The following COLGALT1 variants were observed in gnomAD, a reference collection of about 807,000 sequenced individuals.
COLGALT1 encodes procollagen galactosyltransferase 1.
Under a neutral mutation model 60.8 loss-of-function variants are expected in COLGALT1, and 43 were observed. The ratio of observed to expected loss-of-function variants is 0.71; its 90% CI spans 0.55 to 0.91. The LOEUF is 0.91. Among genes scored for constraint, COLGALT1 ranks in the 40% least tolerant of loss-of-function variants. The pLI, the probability that COLGALT1 is intolerant of heterozygous loss-of-function variation, is 0.00. For synonymous variants in COLGALT1, 369 were observed against 374.2 expected, an observed-to-expected ratio of 0.99 and a Z score of 0.16; for missense variants, 845 against 880.0, an observed-to-expected ratio of 0.96 and a Z score of 0.50.
intron 11 of COLGALT1, 82 bp downstream of exon 11, chr19:17,580,987 C>T (rs1871313452): frequency 6.5e-7 from 1 of 1,527,638 alleles, no homozygotes; most frequent in Non-Finnish European, 9.0e-7. Context: ...CTCACGGCCT[C>T]CGAGAAGATG....
rs1393740545 is a variant in COLGALT1, at chr19:17,582,889, T to G, written c.*1445T>G. 1 of 152,536 alleles carries G rather than the reference T, an allele frequency of 6.6e-6. No homozygotes were observed. Among genetic ancestry groups the G allele is most frequent in the South Asian group, 2.1e-4 (1 of 4,832 alleles). 9.4% of individuals were successfully genotyped at this position (152,536 alleles called of 1,614,324 possible). A position where few individuals can be genotyped will look rare whatever the true frequency, so the allele number is the denominator to read the frequency against. ...CACTCCCGGTCCCCTGTGCTTTACCTCCTTGCCCTTGTGTCTCAGGTGTGG... is the reference window on the plus strand; with the variant it reads ...CACTCCCGGTCCCCTGTGCTTTACCGCCTTGCCCTTGTGTCTCAGGTGTGG... On this transcript the variant is annotated 3_prime_UTR_variant, in exon 12 of 12. Transcript: ENST00000252599.
In COLGALT1 at chr19:17,568,545, C is replaced by T. The variant is rs1012437941; in HGVS notation, c.661C>T (p.Arg221Cys). 6.6e-5 allele frequency: 107 copies of T among 1,614,094 alleles called. No homozygotes were observed. The highest frequency in any genetic ancestry group is 8.6e-5 in the Non-Finnish European group (101 of 1,180,036). ...YKRTPAYIPIRKRDRRGCFAV... is the reference protein window; with the variant it reads ...YKRTPAYIPICKRDRRGCFAV... ...GCGCACACCTGCCTACATCCCTATCCGCAAGCGAGACCGCCGGGGCTGCTT... is the reference window on the plus strand; with the variant it reads ...GCGCACACCTGCCTACATCCCTATCTGCAAGCGAGACCGCCGGGGCTGCTT... The change falls in exon 5 of 12, where the codon CGC becomes TGC. Residue 221 changes from arginine to cysteine, a missense_variant. Arg to Cys is a radical substitution (Grantham distance 180). Transcript: ENST00000252599.
intron 3 of COLGALT1, 126 bp downstream of exon 3, chr19:17,560,591 GA>G: frequency 4.1e-6 from 3 of 735,466 alleles, no homozygotes; most frequent in East Asian, 2.6e-5. Flanking sequence ...GAGGCTTAGA[GA>G]GGGGAGATGA....
chr19:17,582,899 T>G lies in COLGALT1; in HGVS notation c.*1455T>G, dbSNP rs1407244871. Reference sequence around the variant, plus strand: ...CCCCTGTGCTTTACCTCCTTGCCCTTGTGTCTCAGGTGTGGTCCCTGCCTG... The same window carrying G: ...CCCCTGTGCTTTACCTCCTTGCCCTGGTGTCTCAGGTGTGGTCCCTGCCTG... On this transcript the variant is annotated 3_prime_UTR_variant, in exon 12 of 12. Transcript: ENST00000252599. 6.6e-6 allele frequency: 1 copy of G among 152,388 alleles called. No individual in the cohort carries two copies. Among genetic ancestry groups the G allele is most frequent in the East Asian group, 1.9e-4 (1 of 5,196 alleles). 9.4% of individuals were successfully genotyped at this position (152,388 alleles called of 1,614,324 possible).
intron 1 of COLGALT1, among the ~76,000 whole-genome samples, chr19:17,557,552 G>A (rs1297363478): frequency 1.3e-5 from 2 of 152,058 alleles, no homozygotes; most frequent in African/African-American, 4.8e-5. Context: ...TGCCTGCCTC[G>A]GCCTCCCTAA....
At chr19:17,577,587 CTCG>C in intron 8 of COLGALT1, 120 bp downstream of exon 8, 1 of 924,176 alleles carries the variant, frequency 1.1e-6, no homozygotes, top group South Asian at 1.8e-5. Context: ...AGATGTAGAC[CTCG>C]TCAGTGGGCG....
chr19:17,570,152 C>T (rs1028590604), intron 5 of COLGALT1, among the ~76,000 whole-genome samples: 1 of 152,176 alleles, frequency 6.6e-6, no homozygotes, highest in Non-Finnish European at 1.5e-5. Flanking sequence ...CTCGGCCTCC[C>T]AGAGTGCTGG....
At chr19:17,565,164 T>TC (rs3052537) in intron 3 of COLGALT1, among the ~76,000 whole-genome samples, 31 of 143,536 alleles carry the variant, frequency 2.2e-4, no homozygotes, top group African/African-American at 7.1e-4. Context: ...CTGTTGAGAC[T>TC]TTTTTTTTGA....
chr19:17,572,178 T>A (rs1424958526), intron 5 of COLGALT1, among the ~76,000 whole-genome samples: 1 of 151,650 alleles, frequency 6.6e-6, no homozygotes, highest in Admixed American at 6.6e-5. Flanking sequence ...CATGGTGGCA[T>A]GTGCCTGTAG....
chr19:17,559,427 C>A lies in COLGALT1; in HGVS notation c.371+6C>A. On this transcript the variant is annotated splice_donor_region_variant and intron_variant, in intron 2 of 11. Transcript: ENST00000252599. ...CGGCCAGCAGAGGAGCCCAGGTGAG[C>A]ATCTTTCCCCTGCTCCTAGTCTGAT... is the stretch of plus-strand genomic sequence containing the variant. The A allele has an allele frequency of 6.5e-7, 1 of 1,545,122 alleles. No individual in the cohort carries two copies. Among genetic ancestry groups the A allele is most frequent in the South Asian group, 1.2e-5 (1 of 83,898 alleles).
At chr19:17,580,617 G>A (rs893464354) in intron 10 of COLGALT1, 82 bp from the exon 11 acceptor site, 32 of 1,390,648 alleles carry the variant, frequency 2.3e-5, no homozygotes, top group African/African-American at 5.7e-5. Flanking sequence ...AGGACCTGAC[G>A]GGGTAACTAG....
chr19:17,567,579 G>GC, intron 4 of COLGALT1, 39 bp downstream of exon 4: 1 of 1,595,692 alleles, frequency 6.3e-7, no homozygotes, highest in Non-Finnish European at 8.5e-7. Flanking sequence ...ACTGGGCTGA[G>GC]CAGGGGGGTG....
Position 17,578,195 on chromosome 19 carries a change from C to T in COLGALT1, c.1266+106C>T, listed in dbSNP as rs141346573. On this transcript the variant is annotated intron_variant, in intron 9 of 11. Transcript: ENST00000252599. Reference sequence around the variant, plus strand: ...GTTCCCCAAAGCCCCGGCTAGGCATCCAGCCTCAGCCATGGGACCCATGGC... The same window carrying T: ...GTTCCCCAAAGCCCCGGCTAGGCATTCAGCCTCAGCCATGGGACCCATGGC... The T allele has an allele frequency of 1.0e-2, 12,923 of 1,295,228 alleles. 89 individuals are homozygous for T. The highest frequency in any genetic ancestry group is 0.012 in the Non-Finnish European group (11,767 of 988,504). 80.2% of individuals were successfully genotyped at this position (1,295,228 alleles called of 1,614,324 possible).
intron 9 of COLGALT1, among the ~76,000 whole-genome samples, chr19:17,578,572 G>C (rs975323253): frequency 6.6e-6 from 1 of 152,204 alleles, no homozygotes; most frequent in Non-Finnish European, 1.5e-5. Flanking sequence ...CATCAGGGCC[G>C]GGCATGGTGG....
rs1260718560 is a variant in COLGALT1 at position 17,582,514 on chromosome 19, T to C, written c.*1070T>C. ...GCCGGGCACTAGTGATACAAAAGAG[T>C]GTGACAGTTGTTCAGTCTGCATTTT... is the stretch of plus-strand genomic sequence containing the variant. On this transcript the variant is annotated 3_prime_UTR_variant, in exon 12 of 12. Coordinates refer to ENST00000252599, the MANE Select transcript of COLGALT1 (RefSeq NM_024656.4). 4.6e-5 allele frequency: 7 copies of C among 151,910 alleles called. No homozygotes were observed. The highest frequency in any genetic ancestry group is 4.6e-4 in the Admixed American group (7 of 15,252). The allele number at this position is 151,910 out of a possible 1,614,324, so 9.4% of individuals were successfully genotyped here.
At chr19:17,557,640 C>T (rs780881786) in intron 1 of COLGALT1, among the ~76,000 whole-genome samples, 16 of 151,854 alleles carry the variant, frequency 1.1e-4, no homozygotes, top group Non-Finnish European at 1.5e-4. Flanking sequence ...TTACATCTGT[C>T]GCCCAGGCGG....
intron 11 of COLGALT1, 70 bp downstream of exon 11, chr19:17,580,975 GACTC>G (rs1163072886): frequency 3.2e-6 from 5 of 1,561,072 alleles, no homozygotes; most frequent in East Asian, 2.2e-5. Context: ...GGGGATGTGA[GACTC>G]ACGGCCTCCG....
chr19:17,564,402 A>G (rs529436362), intron 3 of COLGALT1, among the ~76,000 whole-genome samples: 15 of 148,784 alleles, frequency 1.0e-4, no homozygotes, highest in Middle Eastern at 3.5e-3. Context: ...AACAAGAAAG[A>G]AAAACATCTA....
At position 17,560,443 on chromosome 19, in the gene COLGALT1, A is replaced by T. The variant is rs1166165520; in HGVS notation, c.467A>T (p.Asp156Val). The T allele has an allele frequency of 6.2e-7, 1 of 1,613,932 alleles. No homozygotes were observed. The change falls in exon 3 of 12, where the codon GAC (aspartate) becomes GTC (valine). Residue 156 changes from aspartate (D) to valine (V), a missense_variant. Coordinates refer to ENST00000252599, the MANE Select transcript of COLGALT1 (RefSeq NM_024656.4). ...LRQAALKSAR[D>V]MWADYILFVD... ...CAGGCAGCCCTGAAATCAGCTCGAG[A>T]CATGTGGGCTGATTACATCCTGGTA... is the stretch of plus-strand genomic sequence containing the variant.
Sources: gnomAD v4.1 joint callset for allele counts (sites outside exome capture counted in the v4.1 genomes callset) on GRCh38, gnomAD v4.1.1 for gene constraint, MANE v1.5 for transcripts, NCBI Gene and HGNC (gene_info 2026-07-23, HGNC 2026-07-21) for gene names.